SDCBP2: variants seen among roughly 807,000 people sequenced by gnomAD.
The protein encoded by SDCBP2 is syntenin-2.
In SDCBP2, 28 loss-of-function variants were observed where a neutral mutation model predicts 30.7. That is an observed-to-expected ratio of 0.91 (90% CI 0.68 to 1.25). SDCBP2 has a LOEUF of 1.25. Ranked by LOEUF, SDCBP2 falls within the 50% of genes most tolerant of loss-of-function variation. The probability of loss-of-function intolerance (pLI) is 0.00; values close to 1 mark genes in which losing one functional copy is unlikely to be tolerated. For synonymous variants in SDCBP2, 166 were observed against 157.3 expected (o/e 1.06, Z -0.41); for missense variants, 399 against 379.0 (o/e 1.05, Z -0.44).
At chr20:1,310,677 G>T in intron 8 of SDCBP2, 123 bp downstream of exon 8, 1 of 1,042,630 alleles carries the variant, frequency 9.6e-7, no homozygotes, top group Non-Finnish European at 1.5e-6. Context: ...AGCTGGCTGA[G>T]CCTGTGCCCT....
At chr20:1,319,135 G>C (rs1414263846) in intron 3 of SDCBP2, among the ~76,000 whole-genome samples, 1 of 152,210 alleles carries the variant, frequency 6.6e-6, no homozygotes, top group Non-Finnish European at 1.5e-5. Context: ...GTTCCAGCAA[G>C]GAAGTCTGAC....
In SDCBP2 at chr20:1,313,213, T is replaced by C. The variant is rs1406058552; in HGVS notation, c.384+127A>G. ...GGAGGAGGGACTGGGGGCAAGAGCC[T>C]GGCCGCTGGGGTTAGGAGGCCCGCT... is the stretch of plus-strand genomic sequence containing the variant. On this transcript the variant is annotated intron_variant, in intron 5 of 8. Transcript: ENST00000360779. The surrounding 1 kb of genome is among the most constrained non-coding windows in gnomAD (Gnocchi z 5.2). The C allele has an allele frequency of 2.0e-6, 2 of 1,022,184 alleles. No individual in the cohort carries two copies. Among genetic ancestry groups the C allele is most frequent in the Non-Finnish European group, 2.9e-6 (2 of 695,704 alleles). The allele number at this position is 1,022,184 out of a possible 1,614,324, so 63.3% of individuals were successfully genotyped here. A position where few individuals can be genotyped will look rare whatever the true frequency, so the allele number is the denominator to read the frequency against.
At chr20:1,311,906 T>TTTTTTTTTC (rs1206394135) in intron 7 of SDCBP2, among the ~76,000 whole-genome samples, 1 of 148,350 alleles carries the variant, frequency 6.7e-6, no homozygotes, top group African/African-American at 2.5e-5. Flanking sequence ...CTGTCTTTTT[T>TTTTTTTTTC]TTTTTTTTTT....
At chr20:1,319,812 C>T (rs6041386) in intron 2 of SDCBP2, among the ~76,000 whole-genome samples, 153 bp from the exon 3 acceptor site, 32,583 of 152,150 alleles carry the variant, frequency 0.21, 4,246 homozygotes, top group East Asian at 0.67. Context: ...CTCAAGATCA[C>T]GTAAACGTGG....
At position 1,320,480 on chromosome 20, in the gene SDCBP2, C is replaced by G; in HGVS notation, c.-19-45G>C. 2 of 1,488,240 alleles carry G rather than the reference C, an allele frequency of 1.3e-6. No individual in the cohort carries two copies. Among genetic ancestry groups the G allele is most frequent in the South Asian group, 2.4e-5 (2 of 84,548 alleles). 92.2% of individuals were successfully genotyped at this position (1,488,240 alleles called of 1,614,324 possible). A position where few individuals can be genotyped will look rare whatever the true frequency, so the allele number is the denominator to read the frequency against. On this transcript the variant is annotated intron_variant, in intron 1 of 8. Coordinates refer to ENST00000360779, the MANE Select transcript of SDCBP2 (RefSeq NM_080489.5). This position sits in a 1 kb window ranked among gnomAD's most constrained non-coding sequence, Gnocchi z 4.7. ...GGGAAGGATAAGGATGCAGCTGATG[C>G]CCCCTTGAAAGGAGGCACAGACATC...
At chr20:1,319,789 C>T (rs11087032) in intron 2 of SDCBP2, 130 bp from the exon 3 acceptor site, 164,474 of 682,214 alleles carry the variant, frequency 0.24, 23,226 homozygotes, top group East Asian at 0.61. Context: ...GGAGTGTGCA[C>T]CAACCCTCAG....
chr20:1,320,404 A>G lies in SDCBP2; in HGVS notation c.13T>C (p.Tyr5His), dbSNP rs762221855. MSSL[Y>H]PSLEDLKVDQ... ...ACTTTTAGGTCCTCTAGAGATGGGT[A>G]CAGGGATGACATGGCTGATTCTCAG... The change falls in exon 2 of 9, where the codon TAC becomes CAC. Residue 5 changes from tyrosine (Y) to histidine (H), a missense_variant. Tyr to His is a moderately conservative substitution (Grantham distance 83). Transcript: ENST00000360779. The surrounding 1 kb of genome is among the most constrained non-coding windows in gnomAD (Gnocchi z 4.7). The G allele has an allele frequency of 6.8e-6, 11 of 1,613,966 alleles. No homozygotes were observed. Among genetic ancestry groups the G allele is most frequent in the Non-Finnish European group, 9.3e-6 (11 of 1,179,866 alleles).
intron 1 of SDCBP2, chr20:1,323,989 A>G (rs961862117): frequency 2.6e-5 from 4 of 152,128 alleles, no homozygotes; most frequent in African/African-American, 9.7e-5. Context: ...GTTTCGTTCA[A>G]TCATTCAAAA....
Position 1,312,717 on chromosome 20 carries a change from CA to C in SDCBP2, c.429del (p.Val144TrpfsTer29), listed in dbSNP as rs762980928. On this transcript the variant is annotated frameshift_variant, in exon 6 of 9. Transcript: ENST00000360779. LOFTEE classifies it high-confidence loss of function. ...AGCTGGTCCCCAAAGCGCAGCCCCA[CA>C]AGGGATGCAGGGGTGTTGGCCTGGA... ...QLVQANTPAS[L>X]VGLRFGDQLL... is the part of the protein sequence containing the mutation. The C allele has an allele frequency of 6.2e-7, 1 of 1,614,012 alleles. No homozygotes were observed.
intron 7 of SDCBP2, among the ~76,000 whole-genome samples, chr20:1,311,916 T>TTTTTTTTTTG (rs2088676732): frequency 6.6e-6 from 1 of 150,590 alleles, no homozygotes; most frequent in Non-Finnish European, 1.5e-5. Context: ...TTTTTTTTTT[T>TTTTTTTTTTG]GGAGACAGGG....
rs554181728 is a variant in SDCBP2 at position 1,318,051 on chromosome 20, C to T, written c.225+267G>A. On this transcript the variant is annotated intron_variant, in intron 4 of 8. Transcript: ENST00000360779. ...CACGCTGGGCTTAATGACCTCCCTTCTCATCCAGCTCAGGCCCAAGGTCAA... is the reference window on the plus strand; with the variant it reads ...CACGCTGGGCTTAATGACCTCCCTTTTCATCCAGCTCAGGCCCAAGGTCAA... 46 of 508,196 alleles carry T rather than the reference C, an allele frequency of 9.1e-5. No individual in the cohort carries two copies. In the Middle Eastern group the frequency reaches 9.4e-4, roughly 10 times the overall value. The allele number at this position is 508,196 out of a possible 1,614,324, so 31.5% of individuals were successfully genotyped here. A position where few individuals can be genotyped will look rare whatever the true frequency, so the allele number is the denominator to read the frequency against.
rs73579382 is a variant in SDCBP2 at position 1,318,310 on chromosome 20, A to G, written c.225+8T>C. On this transcript the variant is annotated splice_region_variant and intron_variant, in intron 4 of 8. Coordinates refer to ENST00000360779, the MANE Select transcript of SDCBP2 (RefSeq NM_080489.5). ...TGCGCCCGCAGCAGGCAGAAGCCAA[A>G]TACATACACTGTCACCCTCTGGAAT... 0.055 allele frequency: 87,570 copies of G among 1,602,724 alleles called. 2,628 individuals are homozygous for G. Among genetic ancestry groups the G allele is most frequent in the Middle Eastern group, 0.083 (500 of 6,032 alleles).
intron 4 of SDCBP2, among the ~76,000 whole-genome samples, chr20:1,314,928 A>C (rs1181676771): frequency 6.6e-6 from 1 of 152,264 alleles, no homozygotes; most frequent in Non-Finnish European, 1.5e-5. Context: ...GTCAATTGCC[A>C]CCAAATTGAT....
chr20:1,328,060 T>C (rs1442138053), intron 1 of SDCBP2, among the ~76,000 whole-genome samples: 1 of 152,088 alleles, frequency 6.6e-6, no homozygotes, highest in Non-Finnish European at 1.5e-5. Context: ...GGGGTGACAT[T>C]TGAGGAAAGG....
intron 3 of SDCBP2, 22 bp downstream of exon 3, chr20:1,319,568 C>A: frequency 6.4e-7 from 1 of 1,557,102 alleles, no homozygotes; most frequent in South Asian, 1.2e-5. Flanking sequence ...CACCCAGGAG[C>A]CCCTCATCCC....
At chr20:1,319,173 C>T (rs528690540) in intron 3 of SDCBP2, among the ~76,000 whole-genome samples, 67 of 152,308 alleles carry the variant, frequency 4.4e-4, no homozygotes, top group Non-Finnish European at 6.9e-4. Context: ...CCCGGGGTCA[C>T]ATGAGATTGG....
intron 4 of SDCBP2, 200 bp downstream of exon 4, chr20:1,318,118 A>T: frequency 1.6e-6 from 1 of 612,856 alleles, no homozygotes; most frequent in South Asian, 1.5e-5. Context: ...TTGTGGGAAG[A>T]TCTGAAACCA....
At chr20:1,312,811 A>C in intron 5 of SDCBP2, 49 bp from the exon 6 acceptor site, 1 of 1,546,388 alleles carries the variant, frequency 6.5e-7, no homozygotes. Context: ...CACCCTAGGC[A>C]CAGATCCCTC....
chr20:1,310,939 G>T (rs778013240), intron 7 of SDCBP2, 48 bp from the exon 8 acceptor site: 1 of 1,435,912 alleles, frequency 7.0e-7, no homozygotes, highest in South Asian at 1.2e-5. Flanking sequence ...GGGGACCAGG[G>T]GCAACTCTAC....
Sources: gnomAD v4.1 joint callset for allele counts (sites outside exome capture counted in the v4.1 genomes callset) on GRCh38, gnomAD v4.1.1 for gene constraint, Gnocchi (gnomAD v3.1) non-coding constraint, MANE v1.5 for transcripts, NCBI Gene and HGNC (gene_info 2026-07-23, HGNC 2026-07-21) for gene names.